Variants in VARS2 observed in about 807,000 individuals in gnomAD.
The protein encoded by VARS2 is valyl-tRNA synthetase 2, mitochondrial.
In VARS2, 105 loss-of-function variants were observed where a neutral mutation model predicts 154.1. The observed-to-expected ratio is 0.68, with a 90% CI of 0.58 to 0.80. The LOEUF (loss-of-function observed/expected upper bound fraction) is 0.80. Among genes scored for constraint, VARS2 ranks in the 30% least tolerant of loss-of-function variants. The pLI is 0.00. For synonymous variants in VARS2, 483 were observed against 539.5 expected, an observed-to-expected ratio of 0.90 and a Z score of 1.45; for missense variants, 1,157 against 1,361.4, an observed-to-expected ratio of 0.85 and a Z score of 2.36.
chr6:30,920,003 C>CTGGGGCGGTGCAGGTAA lies in VARS2; in HGVS notation c.1166-71_1166-70insAATGGGGCGGTGCAGGT. On this transcript the variant is annotated intron_variant, in intron 12 of 29. Transcript: ENST00000676266. The surrounding 1 kb of genome is among the most constrained non-coding windows in gnomAD (Gnocchi z 4.6). ...GCACAGACAGAGAAAGTCGCAGGGGCTGGGGCGGTGCAGGTGATGATGATA... is the reference window on the plus strand; with the variant it reads ...GCACAGACAGAGAAAGTCGCAGGGGCTGGGGCGGTGCAGGTAATGGGGCGGTGCAGGTGATGATGATA... 1 of 1,455,660 alleles carries CTGGGGCGGTGCAGGTAA rather than the reference C, an allele frequency of 6.9e-7. No homozygotes were observed. The highest frequency in any genetic ancestry group is 9.1e-7 in the Non-Finnish European group (1 of 1,097,274). 90.2% of individuals were successfully genotyped at this position (1,455,660 alleles called of 1,614,324 possible).
At position 30,919,823 on chromosome 6, in the gene VARS2, T is replaced by C; in HGVS notation, c.1140T>C (p.Tyr380=). The change falls in exon 12 of 30, where the codon TAT becomes TAC. Residue 380 remains tyrosine (Y), a synonymous_variant. Coordinates refer to ENST00000676266, the MANE Select transcript of VARS2 (RefSeq NM_020442.6). This position sits in a 1 kb window ranked among gnomAD's most constrained non-coding sequence, Gnocchi z 4.5. ...MGQPLPLITD[Y]AVQPHVGTGA... is the part of the protein sequence containing the mutation. ...AGCCTCTTCCCCTCATCACAGACTA[T>C]GCTGTTCAGCCACATGTGGGCACGG... 1 of 1,592,394 alleles carries C rather than the reference T, an allele frequency of 6.3e-7. No individual in the cohort carries two copies. Among genetic ancestry groups the C allele is most frequent in the Non-Finnish European group, 8.6e-7 (1 of 1,165,066 alleles).
Position 30,920,397 on chromosome 6 carries a change from G to A in VARS2, c.1358G>A (p.Arg453Gln), listed in dbSNP as rs1029727547. ...GTGCTGAGTGAATGGGGCCTGTTCC[G>A]GGGCCTCCAGAACCACCCCATGGTA... ...MSVLSEWGLF[R>Q]GLQNHPMVLP... The change falls in exon 14 of 30, where the codon CGG becomes CAG. Residue 453 changes from arginine to glutamine, a missense_variant. Arg to Gln is a conservative substitution (Grantham distance 43). Coordinates refer to ENST00000676266, the MANE Select transcript of VARS2 (RefSeq NM_020442.6). This position sits in a 1 kb window ranked among gnomAD's most constrained non-coding sequence, Gnocchi z 4.6. The A allele has an allele frequency of 4.3e-6, 7 of 1,612,392 alleles. No homozygotes were observed. The highest frequency in any genetic ancestry group is 5.9e-6 in the Non-Finnish European group (7 of 1,179,306).
chr6:30,916,050 A>T lies in VARS2; in HGVS notation c.573+3A>T. The T allele has an allele frequency of 5.0e-6, 8 of 1,613,994 alleles. No homozygotes were observed. The highest frequency in any genetic ancestry group is 6.8e-6 in the Non-Finnish European group (8 of 1,179,878). ...ATCATGCAGGAATTGCTACACAAGT[A>T]TGTCTTTTGTTACCTGTTCCTTTTC... is the stretch of plus-strand genomic sequence containing the variant. On this transcript the variant is annotated splice_donor_region_variant and intron_variant, in intron 6 of 29. Transcript: ENST00000676266. This position sits in a 1 kb window ranked among gnomAD's most constrained non-coding sequence, Gnocchi z 4.0.
Position 30,919,889 on chromosome 6 carries a change from T to C in VARS2, c.1165+41T>C. Reference sequence around the variant, plus strand: ...GGGAGGGAGAGAAAGTTGGGGGTCCTGGAGGAGAGGGGAGGGAACCAGGAG... The same window carrying C: ...GGGAGGGAGAGAAAGTTGGGGGTCCCGGAGGAGAGGGGAGGGAACCAGGAG... On this transcript the variant is annotated intron_variant, in intron 12 of 29. Coordinates refer to ENST00000676266, the MANE Select transcript of VARS2 (RefSeq NM_020442.6). The surrounding 1 kb of genome is among the most constrained non-coding windows in gnomAD (Gnocchi z 4.5). The C allele has an allele frequency of 6.6e-7, 1 of 1,520,440 alleles. No homozygotes were observed. The highest frequency in any genetic ancestry group is 8.9e-7 in the Non-Finnish European group (1 of 1,128,846). The allele number at this position is 1,520,440 out of a possible 1,614,324, so 94.2% of individuals were successfully genotyped here. A position where few individuals can be genotyped will look rare whatever the true frequency, so the allele number is the denominator to read the frequency against.
At position 30,922,886 on chromosome 6, in the gene VARS2, C is replaced by T. The variant is rs747187259; in HGVS notation, c.2107-12C>T. ...AAGGCATCTGCCACCCTTCTTCTTC[C>T]TCTGGTTGCAGAAAAAGGACTTTCC... On this transcript the variant is annotated splice_polypyrimidine_tract_variant and intron_variant, in intron 22 of 29. Coordinates refer to ENST00000676266, the MANE Select transcript of VARS2 (RefSeq NM_020442.6). 4.4e-6 allele frequency: 7 copies of T among 1,595,952 alleles called. No individual in the cohort carries two copies. Among genetic ancestry groups the T allele is most frequent in the South Asian group, 1.1e-5 (1 of 88,574 alleles).
chr6:30,918,696 A>T, intron 10 of VARS2, 131 bp from the exon 11 acceptor site: 3 of 651,104 alleles, frequency 4.6e-6, no homozygotes, highest in South Asian at 3.9e-5. Flanking sequence ...TTTTCTAGTC[A>T]CTCCTGGGGG....
At chr6:30,915,556 T>C (rs1794100249) in intron 4 of VARS2, 101 bp downstream of exon 4, 1 of 1,454,722 alleles carries the variant, frequency 6.9e-7, no homozygotes, top group African/African-American at 1.4e-5. Context: ...AGACCTTGTC[T>C]TCTTTCTGGC....
rs746464857 is a variant in VARS2 at position 30,923,088 on chromosome 6, G to C, written c.2186-16G>C. ...CTGCCACCTACATGCAGACTACCTCGATTCTTCCCTTCCAGCGGGCGACTT... is the reference window on the plus strand; with the variant it reads ...CTGCCACCTACATGCAGACTACCTCCATTCTTCCCTTCCAGCGGGCGACTT... On this transcript the variant is annotated splice_polypyrimidine_tract_variant and intron_variant, in intron 23 of 29. Coordinates refer to ENST00000676266, the MANE Select transcript of VARS2 (RefSeq NM_020442.6). The C allele has an allele frequency of 6.2e-7, 1 of 1,612,722 alleles. No homozygotes were observed. The highest frequency in any genetic ancestry group is 1.1e-5 in the South Asian group (1 of 91,058).
Position 30,923,094 on chromosome 6 carries a change from T to C in VARS2, c.2186-10T>C, listed in dbSNP as rs753725. On this transcript the variant is annotated splice_polypyrimidine_tract_variant and intron_variant, in intron 23 of 29. Transcript: ENST00000676266. ...CCTACATGCAGACTACCTCGATTCT[T>C]CCCTTCCAGCGGGCGACTTGCACCT... 0.54 allele frequency: 878,563 copies of C among 1,612,430 alleles called. 246,146 individuals are homozygous for C. Among genetic ancestry groups the C allele is most frequent in the East Asian group, 0.81 (36,289 of 44,844 alleles).
chr6:30,914,691 A>T, intron 1 of VARS2, 119 bp from the exon 2 acceptor site: 1 of 1,158,914 alleles, frequency 8.6e-7, no homozygotes, highest in East Asian at 2.6e-5. Flanking sequence ...GGTTTTGTGG[A>T]AGGGAATAGA....
At position 30,914,897 on chromosome 6, in the gene VARS2, G is replaced by A; in HGVS notation, c.61G>A (p.Gly21Ser). ...PPFWGLRHSR[G>S]LPRFHSVSTQ... Reference sequence around the variant, plus strand: ...ATTTTGGGGGCTGAGGCACTCACGGGGCCTCCCCAGGTTTCACTCCGTTTC... The same window carrying A: ...ATTTTGGGGGCTGAGGCACTCACGGAGCCTCCCCAGGTTTCACTCCGTTTC... Residue 21 changes from glycine (G) to serine (S), a missense_variant, in exon 2 of 30, where the codon GGC (glycine) becomes AGC (serine). Gly to Ser is a moderately conservative substitution (Grantham distance 56). Coordinates refer to ENST00000676266, the MANE Select transcript of VARS2 (RefSeq NM_020442.6). The A allele has an allele frequency of 6.2e-7, 1 of 1,612,902 alleles. No individual in the cohort carries two copies. Among genetic ancestry groups the A allele is most frequent in the Non-Finnish European group, 8.5e-7 (1 of 1,180,004 alleles).
Position 30,916,431 on chromosome 6 carries a change from A to T in VARS2, c.671+182A>T. The T allele has an allele frequency of 1.8e-6, 1 of 549,094 alleles. No individual in the cohort carries two copies. Among genetic ancestry groups the T allele is most frequent in the East Asian group, 2.9e-5 (1 of 34,514 alleles). The allele number at this position is 549,094 out of a possible 1,614,324, so 34.0% of individuals were successfully genotyped here. On this transcript the variant is annotated intron_variant, in intron 7 of 29. Transcript: ENST00000676266. This position sits in a 1 kb window ranked among gnomAD's most constrained non-coding sequence, Gnocchi z 4.0. ...GTTTCTAAGCCTTATGTGTGTGGAT[A>T]TTATATATGCATTAGAATATTCGTG...
chr6:30,920,156 C>T lies in VARS2; in HGVS notation c.1233C>T (p.Ser411=), dbSNP rs528281614. The T allele has an allele frequency of 7.5e-5, 120 of 1,592,504 alleles. No individual in the cohort carries two copies. Among genetic ancestry groups the T allele is most frequent in the Non-Finnish European group, 8.0e-5 (93 of 1,169,094 alleles). ...DAEMGARHGL[S]PLNVIAEDGT... ...AGATGGGGGCCCGACATGGCTTGAGCCCCTTGAATGTCATTGCGGAGGATG... is the reference window on the plus strand; with the variant it reads ...AGATGGGGGCCCGACATGGCTTGAGTCCCTTGAATGTCATTGCGGAGGATG... The change falls in exon 13 of 30, where the codon AGC becomes AGT. Residue 411 remains serine (S), a synonymous_variant. Transcript: ENST00000676266. This position sits in a 1 kb window ranked among gnomAD's most constrained non-coding sequence, Gnocchi z 4.6.
chr6:30,919,127 C>CT lies in VARS2; in HGVS notation c.1074+221dup, dbSNP rs957707083. 467 of 514,134 alleles carry CT rather than the reference C, an allele frequency of 9.1e-4. No homozygotes were observed. The highest frequency in any genetic ancestry group is 2.1e-3 in the Middle Eastern group (4 of 1,896). The allele number at this position is 514,134 out of a possible 1,614,324, so 31.8% of individuals were successfully genotyped here. A position where few individuals can be genotyped will look rare whatever the true frequency, so the allele number is the denominator to read the frequency against. On this transcript the variant is annotated intron_variant, in intron 11 of 29. Coordinates refer to ENST00000676266, the MANE Select transcript of VARS2 (RefSeq NM_020442.6). This position sits in a 1 kb window ranked among gnomAD's most constrained non-coding sequence, Gnocchi z 4.5. ...CCATGGTCCTAATCCAGCTTGCGGCCTTTTTTTTTGAGACAGAGTCTCGCT... is the reference window on the plus strand; with the variant it reads ...CCATGGTCCTAATCCAGCTTGCGGCCTTTTTTTTTTGAGACAGAGTCTCGCT...
chr6:30,920,830 G>A lies in VARS2; in HGVS notation c.1479+81G>A. On this transcript the variant is annotated intron_variant, in intron 15 of 29. Coordinates refer to ENST00000676266, the MANE Select transcript of VARS2 (RefSeq NM_020442.6). The surrounding 1 kb of genome is among the most constrained non-coding windows in gnomAD (Gnocchi z 4.6). ...ATTGGAATGAAGAAATGGGAAGCAG[G>A]AGACCTCCTGCCCTGAAGACCTCTC... is the stretch of plus-strand genomic sequence containing the variant. 7.7e-7 allele frequency: 1 copy of A among 1,296,254 alleles called. No individual in the cohort carries two copies. Among genetic ancestry groups the A allele is most frequent in the Admixed American group, 2.7e-5 (1 of 37,698 alleles). The allele number at this position is 1,296,254 out of a possible 1,614,324, so 80.3% of individuals were successfully genotyped here. A position where few individuals can be genotyped will look rare whatever the true frequency, so the allele number is the denominator to read the frequency against.
chr6:30,914,607 C>T, intron 1 of VARS2: 1 of 1,189,844 alleles, frequency 8.4e-7, no homozygotes, highest in Non-Finnish European at 1.1e-6. Context: ...GGCCCTGTTC[C>T]GGAAGAGCCC....
chr6:30,917,607 TG>T lies in VARS2; in HGVS notation c.874-85del. On this transcript the variant is annotated intron_variant, in intron 9 of 29. Coordinates refer to ENST00000676266, the MANE Select transcript of VARS2 (RefSeq NM_020442.6). This position sits in a 1 kb window ranked among gnomAD's most constrained non-coding sequence, Gnocchi z 4.4. ...GCTTTTAGATGGATTGCAGGGAGGCTGGGCAGATGGATGAGTGGCAGAGTGA... is the reference window on the plus strand; with the variant it reads ...GCTTTTAGATGGATTGCAGGGAGGCTGGCAGATGGATGAGTGGCAGAGTGA... 1 of 1,258,688 alleles carries T rather than the reference TG, an allele frequency of 7.9e-7. No individual in the cohort carries two copies. The highest frequency in any genetic ancestry group is 1.1e-6 in the Non-Finnish European group (1 of 912,400). 78.0% of individuals were successfully genotyped at this position (1,258,688 alleles called of 1,614,324 possible).
chr6:30,925,197 C>T lies in VARS2; in HGVS notation c.2674-77C>T. 3 of 1,090,534 alleles carry T rather than the reference C, an allele frequency of 2.8e-6. No homozygotes were observed. In the South Asian group the frequency reaches 4.4e-5, roughly 16 times the overall value. 67.6% of individuals were successfully genotyped at this position (1,090,534 alleles called of 1,614,324 possible). A position where few individuals can be genotyped will look rare whatever the true frequency, so the allele number is the denominator to read the frequency against. On this transcript the variant is annotated intron_variant, in intron 26 of 29. Coordinates refer to ENST00000676266, the MANE Select transcript of VARS2 (RefSeq NM_020442.6). ...CCCTAAGGAGATGGGGTGGATGGGT[C>T]GAGAAGAGAGCCAGCAGGGTTGGTA...
chr6:30,922,089 G>A, intron 19 of VARS2, 27 bp from the exon 20 acceptor site: 1 of 1,612,418 alleles, frequency 6.2e-7, no homozygotes, highest in Non-Finnish European at 8.5e-7. Context: ...TGGGGCCTGG[G>A]CCTCTTACTG....
Sources: allele counts gnomAD v4.1 joint callset, GRCh38; gene constraint gnomAD v4.1.1; non-coding constraint Gnocchi (gnomAD v3.1); transcripts MANE v1.5; gene names NCBI Gene and HGNC (gene_info 2026-07-23, HGNC 2026-07-21).